CTDSPL: variants seen among roughly 807,000 people sequenced by gnomAD.
The protein encoded by CTDSPL is CTD small phosphatase-like protein.
CTDSPL carries 8 observed loss-of-function variants against 30.5 expected under a neutral mutation model. That is an observed-to-expected ratio of 0.26 (90% confidence interval 0.15 to 0.47). CTDSPL has a LOEUF of 0.47. CTDSPL is among the 20% of genes least tolerant of loss of function. The pLI is 0.99. For synonymous variants in CTDSPL, 110 were observed against 137.9 expected (o/e 0.80, Z 1.42); for missense variants, 248 against 366.1 (o/e 0.68, Z 2.63).
chr3:37,908,018 A>G (rs1698537646), intron 1 of CTDSPL, among the ~76,000 whole-genome samples: 1 of 152,262 alleles, frequency 6.6e-6, no homozygotes, highest in Admixed American at 6.5e-5. Flanking sequence ...AAGAAGTCTG[A>G]AAGCTTCTAC....
chr3:37,874,496 C>T (rs1575276446), intron 1 of CTDSPL, among the ~76,000 whole-genome samples: 1 of 152,092 alleles, frequency 6.6e-6, no homozygotes, highest in Non-Finnish European at 1.5e-5. Flanking sequence ...CTTTGGGAGG[C>T]CAAGGCAGGC....
At position 37,862,215 on chromosome 3, in the gene CTDSPL, A is replaced by G. The variant is rs998550228; in HGVS notation, c.16A>G (p.Ile6Val). MDGPA[I>V]ITQVTNPKED... ...CCGCGCACCCATGGACGGCCCGGCC[A>G]TCATCACCCAGGTGACCAACCCCAA... Residue 6 changes from isoleucine to valine, a missense_variant, in exon 1 of 8, where the codon ATC (isoleucine) becomes GTC (valine). Physicochemically the swap from Ile to Val is conservative, Grantham distance 29. Coordinates refer to ENST00000273179, the MANE Select transcript of CTDSPL (RefSeq NM_001008392.2). The surrounding 1 kb of genome is among the most constrained non-coding windows in gnomAD (Gnocchi z 4.3). The G allele has an allele frequency of 2.0e-5, 29 of 1,441,556 alleles. No homozygotes were observed. The highest frequency in any genetic ancestry group is 2.6e-5 in the Non-Finnish European group (29 of 1,097,144). The allele number at this position is 1,441,556 out of a possible 1,614,324, so 89.3% of individuals were successfully genotyped here.
intron 1 of CTDSPL, among the ~76,000 whole-genome samples, chr3:37,891,677 TC>T (rs780478654): frequency 6.6e-6 from 1 of 152,182 alleles, no homozygotes; most frequent in Non-Finnish European, 1.5e-5. Flanking sequence ...TGAGTCACTT[TC>T]TTAAAATGTG....
chr3:37,898,341 T>C (rs1394150317), intron 1 of CTDSPL, among the ~76,000 whole-genome samples: 1 of 152,210 alleles, frequency 6.6e-6, no homozygotes, highest in East Asian at 1.9e-4. Context: ...TTAAGAATAC[T>C]GTACTGAAAT....
chr3:37,864,751 T>TTATGTAAAAATGTA (rs1227932168), intron 1 of CTDSPL, among the ~76,000 whole-genome samples: 1 of 152,024 alleles, frequency 6.6e-6, no homozygotes, highest in Non-Finnish European at 1.5e-5. Flanking sequence ...TAATTTTACA[T>TTATGTAAAAATGTA]TATGTAAAAA....
intron 1 of CTDSPL, among the ~76,000 whole-genome samples, chr3:37,897,167 G>A (rs1293698178): frequency 1.3e-5 from 2 of 152,106 alleles, no homozygotes; most frequent in Non-Finnish European, 2.9e-5. Context: ...ATACAGATTC[G>A]ATATTCAGAG....
chr3:37,911,090 T>C (rs1698577840), intron 1 of CTDSPL, among the ~76,000 whole-genome samples: 1 of 152,228 alleles, frequency 6.6e-6, no homozygotes, highest in Non-Finnish European at 1.5e-5. Context: ...ATGCAGACCG[T>C]AGAGTGTGCA....
At chr3:37,905,599 C>G (rs534657689) in intron 1 of CTDSPL, among the ~76,000 whole-genome samples, 1 of 152,212 alleles carries the variant, frequency 6.6e-6, no homozygotes, top group Non-Finnish European at 1.5e-5. Flanking sequence ...TCCCCCCCTC[C>G]CTCCTTGTGC....
In CTDSPL at chr3:37,862,214, C is replaced by T. The variant is rs891701512; in HGVS notation, c.15C>T (p.Ala5=). 1.4e-6 allele frequency: 2 copies of T among 1,442,742 alleles called. No homozygotes were observed. Among genetic ancestry groups the T allele is most frequent in the Admixed American group, 5.1e-5 (2 of 39,602 alleles). 89.4% of individuals were successfully genotyped at this position (1,442,742 alleles called of 1,614,324 possible). A position where few individuals can be genotyped will look rare whatever the true frequency, so the allele number is the denominator to read the frequency against. Residue 5 remains alanine (A), a synonymous_variant, in exon 1 of 8, where the codon GCC becomes GCT. Coordinates refer to ENST00000273179, the MANE Select transcript of CTDSPL (RefSeq NM_001008392.2). This position sits in a 1 kb window ranked among gnomAD's most constrained non-coding sequence, Gnocchi z 4.3. ...GCCGCGCACCCATGGACGGCCCGGCCATCATCACCCAGGTGACCAACCCCA... is the reference window on the plus strand; with the variant it reads ...GCCGCGCACCCATGGACGGCCCGGCTATCATCACCCAGGTGACCAACCCCA... The part of the protein sequence containing the change: MDGP[A]IITQVTNPKE...
chr3:37,898,226 G>C (rs542793007), intron 1 of CTDSPL, among the ~76,000 whole-genome samples: 2 of 152,326 alleles, frequency 1.3e-5, no homozygotes, highest in South Asian at 4.1e-4. Context: ...CTGCTTCAAA[G>C]AGGTAAGGAT....
chr3:37,883,539 A>G (rs186546044), intron 1 of CTDSPL, among the ~76,000 whole-genome samples: 2 of 152,350 alleles, frequency 1.3e-5, no homozygotes, highest in African/African-American at 4.8e-5. Flanking sequence ...ATCATGTTCA[A>G]AAGAGGTTGG....
intron 1 of CTDSPL, among the ~76,000 whole-genome samples, chr3:37,866,232 T>C (rs1698007681): frequency 6.6e-6 from 1 of 152,184 alleles, no homozygotes; most frequent in South Asian, 2.1e-4. Flanking sequence ...AAATTAAATC[T>C]AAACATACAG....
chr3:37,981,055 T>A lies in CTDSPL; in HGVS notation c.*188T>A. 1.9e-6 allele frequency: 1 copy of A among 531,530 alleles called. No homozygotes were observed. The highest frequency in any genetic ancestry group is 2.9e-6 in the Non-Finnish European group (1 of 348,124). The allele number at this position is 531,530 out of a possible 1,614,324, so 32.9% of individuals were successfully genotyped here. ...AACAACTATTTTAAAAGAACTCTTT[T>A]AAGAAATTTCATAAAGGGACATGCA... On this transcript the variant is annotated 3_prime_UTR_variant, in exon 8 of 8. Transcript: ENST00000273179.
chr3:37,978,855 C>T (rs1385000461), intron 7 of CTDSPL, among the ~76,000 whole-genome samples: 2 of 152,126 alleles, frequency 1.3e-5, no homozygotes, highest in Non-Finnish European at 2.9e-5. Flanking sequence ...TACTTTACTT[C>T]TAGCCCATAC....
chr3:37,879,280 C>T (rs2125591505), intron 1 of CTDSPL, among the ~76,000 whole-genome samples: 1 of 152,322 alleles, frequency 6.6e-6, no homozygotes, highest in Non-Finnish European at 1.5e-5. Flanking sequence ...TGGCCAGAGT[C>T]CCAGAGTTGG....
intron 1 of CTDSPL, among the ~76,000 whole-genome samples, chr3:37,872,539 C>CTT (rs34657967): frequency 1.4e-4 from 7 of 50,936 alleles, no homozygotes; most frequent in South Asian, 6.4e-4. Context: ...TACTTAGGCT[C>CTT]TTTTTTTTTT....
At chr3:37,968,704 A>G (rs1008332438) in intron 5 of CTDSPL, among the ~76,000 whole-genome samples, 42 of 152,184 alleles carry the variant, frequency 2.8e-4, no homozygotes, top group Non-Finnish European at 5.9e-5. Context: ...TAGCAATGTC[A>G]GTAGTCTTTG....
chr3:37,890,690 T>G (rs1466152090), intron 1 of CTDSPL, among the ~76,000 whole-genome samples: 1 of 152,124 alleles, frequency 6.6e-6, no homozygotes, highest in African/African-American at 2.4e-5. Context: ...GCACAGAGTC[T>G]CCATCAGATC....
chr3:37,927,636 A>ATGTGTG (rs71094932), intron 1 of CTDSPL, among the ~76,000 whole-genome samples: 5,387 of 115,574 alleles, frequency 0.047, 139 homozygotes, highest in Admixed American at 0.082. Flanking sequence ...AGAAAAATAT[A>ATGTGTG]TGTGTGTGTG....
Sources: gnomAD v4.1 joint callset for allele counts (sites outside exome capture counted in the v4.1 genomes callset) on GRCh38, gnomAD v4.1.1 for gene constraint, Gnocchi (gnomAD v3.1) non-coding constraint, MANE v1.5 for transcripts, NCBI Gene and HGNC (gene_info 2026-07-23, HGNC 2026-07-21) for gene names.